Variants in UNC5D observed in about 807,000 individuals in gnomAD.
UNC5D encodes netrin receptor UNC5D.
Under a neutral mutation model 105.4 loss-of-function variants are expected in UNC5D, and 39 were observed. The observed-to-expected ratio is 0.37, with a 90% CI of 0.29 to 0.48. The LOEUF is 0.48. UNC5D is among the 20% of genes least tolerant of loss of function. The pLI is 0.98. For missense variants in UNC5D, 991 were observed against 1,202.4 expected, an observed-to-expected ratio of 0.82 and a Z score of 2.60; for synonymous variants, 452 against 450.4, an observed-to-expected ratio of 1.00 and a Z score of -0.04.
At chr8:35,681,536 G>A (rs1825666069) in intron 4 of UNC5D, among the ~76,000 whole-genome samples, 1 of 152,208 alleles carries the variant, frequency 6.6e-6, no homozygotes, top group Non-Finnish European at 1.5e-5. Context: ...TCACAGGCTG[G>A]TAGTCAGATG....
At chr8:35,283,432 C>G (rs1483438341) in intron 1 of UNC5D, among the ~76,000 whole-genome samples, 2 of 152,038 alleles carry the variant, frequency 1.3e-5, no homozygotes, top group Non-Finnish European at 2.9e-5. Flanking sequence ...CAGAGGTCCT[C>G]AAATGTGGAT....
rs111836666 is a variant in UNC5D at position 35,705,152 on chromosome 8, G to A, written c.1085-777G>A. ...GCTAATTTTTTACATTTTTAGTAGA[G>A]ACGGGGTTTCACCGTGTTAGCCAGG... On this transcript the variant is annotated intron_variant, in intron 7 of 16. Coordinates refer to ENST00000404895, the MANE Select transcript of UNC5D (RefSeq NM_080872.4). 6.1e-3 allele frequency among the ~76,000 whole-genome samples: 935 copies of A among 152,122 alleles called. 4 individuals carry two copies. The highest frequency in any genetic ancestry group is 0.01 in the Middle Eastern group (3 of 294).
chr8:35,743,803 C>T (rs1049608231), intron 11 of UNC5D, among the ~76,000 whole-genome samples: 4 of 151,774 alleles, frequency 2.6e-5, no homozygotes, highest in Non-Finnish European at 5.9e-5. Context: ...ATTTTTTAAC[C>T]GCTGTGAACA....
chr8:35,383,332 A>T (rs900466521), intron 1 of UNC5D, among the ~76,000 whole-genome samples: 13 of 152,158 alleles, frequency 8.5e-5, no homozygotes, highest in Non-Finnish European at 1.8e-4. Flanking sequence ...ATCCTCATCA[A>T]GAGGAAATCT....
intron 4 of UNC5D, among the ~76,000 whole-genome samples, chr8:35,662,148 C>T (rs1035457081): frequency 7.6e-5 from 11 of 144,680 alleles, no homozygotes; most frequent in African/African-American, 2.9e-4. Context: ...GTATCTCTTA[C>T]GTTTAGTAGA....
chr8:35,271,522 T>G (rs1158014329), intron 1 of UNC5D, among the ~76,000 whole-genome samples: 1 of 145,162 alleles, frequency 6.9e-6, no homozygotes, highest in Non-Finnish European at 1.5e-5. Context: ...TACATATATG[T>G]ATACAGGTAT....
intron 4 of UNC5D, among the ~76,000 whole-genome samples, chr8:35,612,902 G>A (rs922198259): frequency 3.9e-5 from 6 of 151,968 alleles, no homozygotes; most frequent in African/African-American, 1.5e-4. Flanking sequence ...CCCAACAAAT[G>A]CCTTTTCTAA....
At position 35,568,256 on chromosome 8, in the gene UNC5D, G is replaced by A. The variant is rs576523743; in HGVS notation, c.466+15G>A. ...GCGCATAGCCTGTAAGTACATTCTG[G>A]GTGACCTTGTCTTGTAGGACCACAA... On this transcript the variant is annotated intron_variant, in intron 3 of 16. Coordinates refer to ENST00000404895, the MANE Select transcript of UNC5D (RefSeq NM_080872.4). 6 of 1,612,252 alleles carry A rather than the reference G, an allele frequency of 3.7e-6. No individual in the cohort carries two copies. Among genetic ancestry groups the A allele is most frequent in the Admixed American group, 1.7e-5 (1 of 59,760 alleles).
intron 1 of UNC5D, among the ~76,000 whole-genome samples, chr8:35,408,402 G>C (rs986656424): frequency 2.6e-5 from 4 of 151,032 alleles, no homozygotes; most frequent in Admixed American, 2.6e-4. Flanking sequence ...TAGTCTTAAC[G>C]CACATCAGGA....
At chr8:35,658,951 G>T (rs533090858) in intron 4 of UNC5D, among the ~76,000 whole-genome samples, 101 of 152,104 alleles carry the variant, frequency 6.6e-4, no homozygotes, top group Non-Finnish European at 1.0e-3. Context: ...CACCGTGCCC[G>T]GCAGAGTGAC....
chr8:35,698,412 A>C (rs1481434535), intron 7 of UNC5D, among the ~76,000 whole-genome samples: 1 of 151,936 alleles, frequency 6.6e-6, no homozygotes, highest in Non-Finnish European at 1.5e-5. Flanking sequence ...TTATCTCTCC[A>C]TGTCCTCCAT....
intron 1 of UNC5D, among the ~76,000 whole-genome samples, chr8:35,295,185 GAA>G (rs1390748239): frequency 1.3e-5 from 2 of 152,100 alleles, no homozygotes; most frequent in East Asian, 3.9e-4. Flanking sequence ...TCTCTCAACT[GAA>G]AATGGCTCCA....
chr8:35,655,673 G>A (rs1823681827), intron 4 of UNC5D, among the ~76,000 whole-genome samples: 1 of 152,196 alleles, frequency 6.6e-6, no homozygotes, highest in South Asian at 2.1e-4. Flanking sequence ...CTAAGTCTTA[G>A]ATGTATGGTA....
intron 1 of UNC5D, among the ~76,000 whole-genome samples, chr8:35,240,529 G>A (rs1404915568): frequency 6.6e-6 from 1 of 152,072 alleles, no homozygotes; most frequent in Non-Finnish European, 1.5e-5. Context: ...TAATCCTGAA[G>A]ATAACTCTTT....
At chr8:35,544,162 G>A (rs1289831688) in intron 1 of UNC5D, among the ~76,000 whole-genome samples, 1 of 152,106 alleles carries the variant, frequency 6.6e-6, no homozygotes, top group Non-Finnish European at 1.5e-5. Context: ...CGTGTAGAAG[G>A]CTTATTACCA....
Position 35,461,006 on chromosome 8 carries a change from T to A in UNC5D, c.104-88286T>A, listed in dbSNP as rs1366220007. ...TTTTACCTTTTTGTTATTTCATGTT[T>A]GCATTTAGGCAAATGAAGAAGATTT... On this transcript the variant is annotated intron_variant, in intron 1 of 16. Coordinates refer to ENST00000404895, the MANE Select transcript of UNC5D (RefSeq NM_080872.4). 2.6e-5 allele frequency among the ~76,000 whole-genome samples: 4 copies of A among 152,238 alleles called. No individual in the cohort carries two copies. The East Asian group carries it at 7.7e-4, about 29-fold the overall frequency.
At chr8:35,726,019 G>A (rs760400806) in intron 9 of UNC5D, 133 bp from the exon 10 acceptor site, 111 of 1,236,868 alleles carry the variant, frequency 9.0e-5, no homozygotes, top group Middle Eastern at 8.8e-4. Context: ...TGGCAGGGTG[G>A]TCCTGAAGAG....
At position 35,595,639 on chromosome 8, in the gene UNC5D, G is replaced by T. The variant is rs777002483; in HGVS notation, c.552G>T (p.Glu184Asp). ...GMIVLHCRPP[E>D]GVPAAEVEWL... ...TTGTACTGCACTGCCGCCCACCAGA[G>T]GGAGTCCCTGCTGCCGAGGTAAGAC... The change falls in exon 4 of 17, where the codon GAG becomes GAT. Residue 184 changes from glutamate (E) to aspartate (D), a missense_variant. Glu to Asp is a conservative substitution (Grantham distance 45). Transcript: ENST00000404895. 9 of 1,613,920 alleles carry T rather than the reference G, an allele frequency of 5.6e-6. No homozygotes were observed. The highest frequency in any genetic ancestry group is 1.7e-6 in the Non-Finnish European group (2 of 1,179,964).
chr8:35,402,016 C>T (rs544028299), intron 1 of UNC5D, among the ~76,000 whole-genome samples: 3 of 152,290 alleles, frequency 2.0e-5, no homozygotes, highest in Non-Finnish European at 2.9e-5. Context: ...CCTGCGAACA[C>T]TCTGATCATT....
Sources: gnomAD v4.1 joint callset for allele counts (sites outside exome capture counted in the v4.1 genomes callset) on GRCh38, gnomAD v4.1.1 for gene constraint, MANE v1.5 for transcripts, NCBI Gene and HGNC (gene_info 2026-07-23, HGNC 2026-07-21) for gene names.